TUBGCP3: variants seen among roughly 807,000 people sequenced by gnomAD.
TUBGCP3 encodes tubulin gamma complex component 3.
TUBGCP3 carries 50 observed loss-of-function variants against 123.1 expected under a neutral mutation model. The ratio of observed to expected loss-of-function variants is 0.41; its 90% CI spans 0.32 to 0.51. TUBGCP3 has a LOEUF of 0.51. Ranked by LOEUF, TUBGCP3 falls within the 20% of genes least tolerant of loss-of-function variation. The pLI is 0.36. For synonymous variants in TUBGCP3, 405 were observed against 413.9 expected (o/e 0.98, Z 0.26); for missense variants, 882 against 1,127.0 (o/e 0.78, Z 3.11).
chr13:112,581,141 C>G (rs1594234635), intron 1 of TUBGCP3, among the ~76,000 whole-genome samples: 1 of 152,278 alleles, frequency 6.6e-6, no homozygotes, highest in South Asian at 2.1e-4. Flanking sequence ...CCAAGCTCAC[C>G]TCCAGCTCGG....
intron 17 of TUBGCP3, among the ~76,000 whole-genome samples, chr13:112,509,482 AG>A (rs1344064612): frequency 2.0e-5 from 3 of 152,182 alleles, no homozygotes; most frequent in African/African-American, 7.2e-5. Context: ...ACCTTTCAAA[AG>A]GTTTCTATAA....
chr13:112,580,161 CA>C (rs1218098666), intron 1 of TUBGCP3, among the ~76,000 whole-genome samples: 1 of 152,104 alleles, frequency 6.6e-6, no homozygotes, highest in Non-Finnish European at 1.5e-5. Flanking sequence ...GCGGCCAGCA[CA>C]AAGGCAAAAT....
intron 11 of TUBGCP3, among the ~76,000 whole-genome samples, chr13:112,535,912 G>A (rs1018464474): frequency 1.3e-5 from 2 of 152,102 alleles, no homozygotes; most frequent in African/African-American, 4.8e-5. Context: ...TTAAATTTAG[G>A]TGTCTGATCC....
At chr13:112,537,908 AG>A (rs1260704991) in intron 11 of TUBGCP3, among the ~76,000 whole-genome samples, 1 of 152,224 alleles carries the variant, frequency 6.6e-6, no homozygotes, top group African/African-American at 2.4e-5. Flanking sequence ...TTATCTATCT[AG>A]AAATGTCTTG....
intron 1 of TUBGCP3, among the ~76,000 whole-genome samples, chr13:112,581,490 G>A (rs1270382201): frequency 6.9e-6 from 1 of 145,196 alleles, no homozygotes; most frequent in Non-Finnish European, 1.5e-5. Context: ...CTGTCGCCCA[G>A]GCTGGAGTGC....
At chr13:112,547,789 A>G (rs1879190787) in intron 9 of TUBGCP3, 37 bp from the exon 10 acceptor site, 1 of 1,408,616 alleles carries the variant, frequency 7.1e-7, no homozygotes, top group Non-Finnish European at 9.3e-7. Flanking sequence ...TTAAGTACAA[A>G]TAACCACATA....
intron 14 of TUBGCP3, chr13:112,521,612 G>A (rs1594138181): frequency 1.0e-6 from 1 of 957,532 alleles, no homozygotes; most frequent in Non-Finnish European, 1.2e-6. Context: ...GCACTGGCAG[G>A]GTTTAAAGGT....
In TUBGCP3 at chr13:112,496,960, TG is replaced by T. The variant is rs201523242; in HGVS notation, c.2448+2084del. 6.3e-3 allele frequency among the ~76,000 whole-genome samples: 909 copies of T among 144,698 alleles called. 12 individuals carry two copies. Among genetic ancestry groups the T allele is most frequent in the African/African-American group, 0.019 (725 of 38,450 alleles). 94.9% of individuals were successfully genotyped at this position (144,698 alleles called of 152,430 possible). A position where few individuals can be genotyped will look rare whatever the true frequency, so the allele number is the denominator to read the frequency against. On this transcript the variant is annotated intron_variant, in intron 20 of 21. Transcript: ENST00000261965. ...GAGATCGCGCCACTGCACTCCAGCC[TG>T]GGCGACAAAGTGAGACTCCCTCTCA...
chr13:112,504,547 C>A, intron 18 of TUBGCP3, 79 bp downstream of exon 18: 1 of 869,218 alleles, frequency 1.2e-6, no homozygotes, highest in Non-Finnish European at 1.8e-6. Flanking sequence ...CATACATACA[C>A]ATATATATAT....
chr13:112,531,240 G>A (rs1281906399), intron 11 of TUBGCP3, among the ~76,000 whole-genome samples: 1 of 152,222 alleles, frequency 6.6e-6, no homozygotes, highest in African/African-American at 2.4e-5. Flanking sequence ...TGACCATAGG[G>A]AAGAGGCTGC....
rs140482601 is a variant in TUBGCP3 at position 112,490,990 on chromosome 13, G to A, written c.2449-1293C>T. On this transcript the variant is annotated intron_variant, in intron 20 of 21. Transcript: ENST00000261965. ...AGTAGATTTTTTTCCACAGAGCTGA[G>A]CGAAAGAGTAAGTTCTTTCTCACTT... is the stretch of plus-strand genomic sequence containing the variant. Among the ~76,000 whole-genome samples the A allele has an allele frequency of 2.6e-5, 4 of 152,308 alleles. No homozygotes were observed. The East Asian group carries it at 7.7e-4, about 29-fold the overall frequency.
rs764692396 is a variant in TUBGCP3, at chr13:112,545,888, C to T, written c.1169-23G>A. On this transcript the variant is annotated intron_variant, in intron 10 of 21. Transcript: ENST00000261965. The surrounding 1 kb of genome is among the most constrained non-coding windows in gnomAD (Gnocchi z 4.1). ...TTCCTGGGAGAAATGGAGGAAAATA[C>T]ACAAAAACATCCACATTTACACTCA... The T allele has an allele frequency of 6.2e-7, 1 of 1,604,696 alleles. No individual in the cohort carries two copies. The highest frequency in any genetic ancestry group is 8.5e-7 in the Non-Finnish European group (1 of 1,172,244).
chr13:112,564,575 G>A lies in TUBGCP3; in HGVS notation c.252+536C>T, dbSNP rs1880801307. 2.0e-5 allele frequency among the ~76,000 whole-genome samples: 3 copies of A among 152,286 alleles called. No individual in the cohort carries two copies. In the South Asian group the frequency reaches 6.2e-4, roughly 32 times the overall value. On this transcript the variant is annotated intron_variant, in intron 3 of 21. Transcript: ENST00000261965. ...ATGCACCTGTAGTCCCAGCTACTTG[G>A]GAGGCCCAGGCAGGAGGATTGCTTG...
chr13:112,504,071 G>A lies in TUBGCP3; in HGVS notation c.2268C>T (p.Asp756=). The A allele has an allele frequency of 6.2e-7, 1 of 1,614,156 alleles. No individual in the cohort carries two copies. Among genetic ancestry groups the A allele is most frequent in the Non-Finnish European group, 8.5e-7 (1 of 1,180,018 alleles). ...HIIAAHEVFL[D]TIISRCLLDS... ...CCAGCAGGCAGCGGGAGATGATGGT[G>A]TCTAAGAACACCTCGTGTGCAGCAA... The change falls in exon 19 of 22, where the codon GAC becomes GAT. Residue 756 remains aspartate, a synonymous_variant. Coordinates refer to ENST00000261965, the MANE Select transcript of TUBGCP3 (RefSeq NM_006322.6).
intron 17 of TUBGCP3, among the ~76,000 whole-genome samples, chr13:112,507,842 T>A (rs1250842665): frequency 1.3e-5 from 2 of 152,346 alleles, no homozygotes; most frequent in Non-Finnish European, 1.5e-5. Context: ...AGATACACAG[T>A]GATTAGTGAT....
intron 20 of TUBGCP3, among the ~76,000 whole-genome samples, chr13:112,497,270 G>GT (rs1566531187): frequency 6.6e-6 from 1 of 152,212 alleles, no homozygotes; most frequent in Admixed American, 6.5e-5. Flanking sequence ...AGGTAGAATC[G>GT]TGAGTATATC....
chr13:112,532,775 C>G (rs1877693735), intron 11 of TUBGCP3, among the ~76,000 whole-genome samples: 1 of 152,218 alleles, frequency 6.6e-6, no homozygotes, highest in African/African-American at 2.4e-5. Context: ...GAATACCTTC[C>G]AAACTCTTAT....
chr13:112,495,374 G>A (rs1318500864), intron 20 of TUBGCP3, among the ~76,000 whole-genome samples: 1 of 152,136 alleles, frequency 6.6e-6, no homozygotes, highest in Non-Finnish European at 1.5e-5. Context: ...GCAGGAGCGT[G>A]TATGTCTCAC....
At chr13:112,487,068 T>TGC (rs1390268587) in intron 21 of TUBGCP3, among the ~76,000 whole-genome samples, 2 of 146,728 alleles carry the variant, frequency 1.4e-5, no homozygotes, top group African/African-American at 5.0e-5. Context: ...TGTGTGTGTG[T>TGC]GTGTGTGTGT....
Sources: gnomAD v4.1 joint callset for allele counts (sites outside exome capture counted in the v4.1 genomes callset) on GRCh38, gnomAD v4.1.1 for gene constraint, Gnocchi (gnomAD v3.1) non-coding constraint, MANE v1.5 for transcripts, NCBI Gene and HGNC (gene_info 2026-07-23, HGNC 2026-07-21) for gene names.